The following FBXO32 variants were observed in gnomAD, a reference collection of about 807,000 sequenced individuals.
FBXO32 encodes the protein F-box only protein 32.
FBXO32 carries 15 observed loss-of-function variants against 48.3 expected under a neutral mutation model. The ratio of observed to expected loss-of-function variants is 0.31; its 90% CI spans 0.21 to 0.48. The LOEUF (loss-of-function observed/expected upper bound fraction) is 0.48. Among genes scored for constraint, FBXO32 ranks in the 20% least tolerant of loss-of-function variants. The probability of loss-of-function intolerance (pLI) is 0.99; values close to 1 mark genes in which losing one functional copy is unlikely to be tolerated. For missense variants in FBXO32, 309 were observed against 432.7 expected, an observed-to-expected ratio of 0.71 and a Z score of 2.54; for synonymous variants, 154 against 165.9, an observed-to-expected ratio of 0.93 and a Z score of 0.55.
chr8:123,522,585 T>C (rs1816979846), intron 4 of FBXO32, among the ~76,000 whole-genome samples: 2 of 152,148 alleles, frequency 1.3e-5, no homozygotes, highest in African/African-American at 4.8e-5. Flanking sequence ...CTTGGCGATC[T>C]TCCTTAAACT....
chr8:123,536,603 CATT>C (rs1262331859), intron 1 of FBXO32, among the ~76,000 whole-genome samples: 1 of 152,226 alleles, frequency 6.6e-6, no homozygotes, highest in African/African-American at 2.4e-5. Flanking sequence ...AAAGCTAGAA[CATT>C]TTGTGTGCAA....
chr8:123,512,705 C>T (rs1443229979), intron 6 of FBXO32, among the ~76,000 whole-genome samples: 1 of 152,060 alleles, frequency 6.6e-6, no homozygotes, highest in East Asian at 1.9e-4. Context: ...ATCATTTTCC[C>T]ACATGTAAGT....
At chr8:123,512,091 T>TA (rs1563920908) in intron 6 of FBXO32, among the ~76,000 whole-genome samples, 1 of 152,200 alleles carries the variant, frequency 6.6e-6, no homozygotes, top group Admixed American at 6.6e-5. Context: ...TACATTCTCT[T>TA]AAAAAAATCA....
intron 8 of FBXO32, 90 bp from the exon 9 acceptor site, chr8:123,503,552 A>G (rs749437578): frequency 4.1e-5 from 38 of 925,512 alleles, no homozygotes; most frequent in Non-Finnish European, 6.0e-5. Context: ...TCAAAGCAAC[A>G]ATTCTCTGTC....
rs1817241388 is a variant in FBXO32, at chr8:123,533,064, C to T, written c.279+127G>A. The T allele has an allele frequency of 1.3e-5, 9 of 680,696 alleles. 1 individual carries two copies. The East Asian group carries it at 2.5e-4, about 19-fold the overall frequency. 42.2% of individuals were successfully genotyped at this position (680,696 alleles called of 1,614,324 possible). Reference sequence around the variant, plus strand: ...GGTTGGCTAAATAATAGACTAATAGCTGCCATCTCCCACATCCAAGAAGAC... The same window carrying T: ...GGTTGGCTAAATAATAGACTAATAGTTGCCATCTCCCACATCCAAGAAGAC... On this transcript the variant is annotated intron_variant, in intron 3 of 8. Transcript: ENST00000517956.
At chr8:123,511,875 T>C (rs967469413) in intron 6 of FBXO32, among the ~76,000 whole-genome samples, 1 of 152,158 alleles carries the variant, frequency 6.6e-6, no homozygotes, top group African/African-American at 2.4e-5. Context: ...GACAGTTCTC[T>C]CCTGGCCTTA....
In FBXO32 at chr8:123,540,603, C is replaced by A. The variant is rs1164199028; in HGVS notation, c.116+296G>T. Among the ~76,000 whole-genome samples, 1 of 152,326 alleles carries A rather than the reference C, an allele frequency of 6.6e-6. No homozygotes were observed. The highest frequency in any genetic ancestry group is 2.1e-4 in the South Asian group (1 of 4,822). Reference sequence around the variant, plus strand: ...AGCTGTGTGATTAAGTTTGAGCGAACGTTTGGGGACACGATCCGCGAATGT... The same window carrying A: ...AGCTGTGTGATTAAGTTTGAGCGAAAGTTTGGGGACACGATCCGCGAATGT... On this transcript the variant is annotated intron_variant, in intron 1 of 8. Coordinates refer to ENST00000517956, the MANE Select transcript of FBXO32 (RefSeq NM_058229.4). This position sits in a 1 kb window ranked among gnomAD's most constrained non-coding sequence, Gnocchi z 6.4.
At chr8:123,528,266 C>T (rs769075666) in intron 4 of FBXO32, among the ~76,000 whole-genome samples, 10 of 152,062 alleles carry the variant, frequency 6.6e-5, no homozygotes, top group African/African-American at 1.9e-4. Context: ...TGATGGTCTC[C>T]GAAACCTTCT....
In FBXO32 at chr8:123,502,063, C is replaced by T. The variant is rs953939330; in HGVS notation, c.*1310G>A. ...ATCTTCCTGTTTTAACTACCCAGCC[C>T]GGAAGCAAGTTTAAGATGAACTTGT... On this transcript the variant is annotated 3_prime_UTR_variant, in exon 9 of 9. Transcript: ENST00000517956. 8 of 152,086 alleles carry T rather than the reference C, an allele frequency of 5.3e-5. No homozygotes were observed. Among genetic ancestry groups the T allele is most frequent in the East Asian group, 3.9e-4 (2 of 5,182 alleles). The allele number at this position is 152,086 out of a possible 1,614,324, so 9.4% of individuals were successfully genotyped here.
rs775048494 is a variant in FBXO32 at position 123,506,396 on chromosome 8, C to T, written c.830G>A (p.Arg277Gln). 11 of 1,613,430 alleles carry T rather than the reference C, an allele frequency of 6.8e-6. No individual in the cohort carries two copies. Among genetic ancestry groups the T allele is most frequent in the East Asian group, 2.2e-5 (1 of 44,864 alleles). ...AGCCCACTGGGCCTTGCTGACCTGC[C>T]GCTCGGAGAAGTGGTACTGGCAGAG... ...KKLCQYHFSE[R>Q]QIRKRLILSD... Residue 277 changes from arginine to glutamine, a missense_variant, in exon 7 of 9, where the codon CGG (arginine) becomes CAG (glutamine). Transcript: ENST00000517956. The surrounding 1 kb of genome is among the most constrained non-coding windows in gnomAD (Gnocchi z 4.0).
intron 4 of FBXO32, among the ~76,000 whole-genome samples, chr8:123,515,496 G>T (rs374208777): frequency 6.6e-6 from 1 of 150,472 alleles, no homozygotes; most frequent in South Asian, 2.1e-4. Context: ...TGATCCACCT[G>T]CCTTGGCTTC....
chr8:123,534,171 T>C (rs1005327883), intron 2 of FBXO32, among the ~76,000 whole-genome samples: 3 of 147,392 alleles, frequency 2.0e-5, no homozygotes, highest in African/African-American at 7.4e-5. Flanking sequence ...TTATTTTAAA[T>C]GCCAAACCTG....
chr8:123,531,072 C>T (rs1024110681), intron 4 of FBXO32, among the ~76,000 whole-genome samples: 6 of 140,820 alleles, frequency 4.3e-5, no homozygotes, highest in African/African-American at 5.3e-5. Flanking sequence ...GTCTGCCTCC[C>T]GGGTTCAAGC....
intron 2 of FBXO32, 71 bp from the exon 3 acceptor site, chr8:123,533,311 T>A: frequency 7.7e-7 from 1 of 1,290,866 alleles, no homozygotes; most frequent in Non-Finnish European, 1.1e-6. Flanking sequence ...TTTCATTTCA[T>A]TTATTCCAAA....
Position 123,532,127 on chromosome 8 carries a change from G to A in FBXO32, c.280-137C>T, listed in dbSNP as rs982062424. The A allele has an allele frequency of 4.1e-6, 6 of 1,451,446 alleles. No homozygotes were observed. In the Admixed American group the frequency reaches 1.3e-4, roughly 32 times the overall value. 89.9% of individuals were successfully genotyped at this position (1,451,446 alleles called of 1,614,324 possible). On this transcript the variant is annotated intron_variant, in intron 3 of 8. Transcript: ENST00000517956. ...CTGTCTTAGGTGACCTGGGGCACTG[G>A]CTTCTTTCCTGTACCCACAAGCCCT... is the stretch of plus-strand genomic sequence containing the variant.
At chr8:123,535,453 T>C (rs150673233) in intron 1 of FBXO32, among the ~76,000 whole-genome samples, 6,074 of 152,322 alleles carry the variant, frequency 0.04, 159 homozygotes, top group Non-Finnish European at 0.059. Context: ...GTGCCTTGAC[T>C]AAAACACACT....
At chr8:123,534,170 A>C (rs1336466660) in intron 2 of FBXO32, among the ~76,000 whole-genome samples, 2 of 152,122 alleles carry the variant, frequency 1.3e-5, no homozygotes, top group East Asian at 1.9e-4. Flanking sequence ...TTTATTTTAA[A>C]TGCCAAACCT....
At chr8:123,523,708 T>G (rs2130538568) in intron 4 of FBXO32, among the ~76,000 whole-genome samples, 1 of 151,942 alleles carries the variant, frequency 6.6e-6, no homozygotes. Flanking sequence ...GAAAAAAAAA[T>G]TATACAAAAT....
At chr8:123,539,726 T>G (rs1817374772) in intron 1 of FBXO32, among the ~76,000 whole-genome samples, 1 of 152,160 alleles carries the variant, frequency 6.6e-6, no homozygotes, top group South Asian at 2.1e-4. Context: ...TTCTCAAAAT[T>G]TATTGCCAAT....
Sources: gnomAD v4.1 joint callset for allele counts (sites outside exome capture counted in the v4.1 genomes callset) on GRCh38, gnomAD v4.1.1 for gene constraint, Gnocchi (gnomAD v3.1) non-coding constraint, MANE v1.5 for transcripts, NCBI Gene and HGNC (gene_info 2026-07-23, HGNC 2026-07-21) for gene names.